PUM2: variants seen among roughly 807,000 people sequenced by gnomAD.
PUM2 encodes pumilio homolog 2.
PUM2 carries 57 observed loss-of-function variants against 124.5 expected under a neutral mutation model. That is an observed-to-expected ratio of 0.46 (90% CI 0.37 to 0.57). PUM2 has a LOEUF of 0.57. Ranked by LOEUF, PUM2 falls within the 20% of genes least tolerant of loss-of-function variation. The probability of loss-of-function intolerance (pLI) is 0.00; values close to 1 mark genes in which losing one functional copy is unlikely to be tolerated. For synonymous variants in PUM2, 460 were observed against 446.1 expected (o/e 1.03, Z -0.39); for missense variants, 1,065 against 1,290.6 (o/e 0.83, Z 2.68).
chr2:20,316,252 C>T (rs1680907055), intron 3 of PUM2, among the ~76,000 whole-genome samples: 1 of 152,072 alleles, frequency 6.6e-6, no homozygotes, highest in Non-Finnish European at 1.5e-5. Context: ...GTTGAAATCA[C>T]CAACATTTTC....
intron 13 of PUM2, among the ~76,000 whole-genome samples, chr2:20,265,796 TTAG>T (rs1667509422): frequency 6.6e-6 from 1 of 152,220 alleles, no homozygotes; most frequent in South Asian, 2.1e-4. Flanking sequence ...CACAAATTTC[TTAG>T]TAGTACCCTA....
Position 20,308,073 on chromosome 2 carries a change from T to C in PUM2, c.790-2A>G. On this transcript the variant is annotated splice_acceptor_variant, in intron 6 of 20. Coordinates refer to ENST00000361078, the MANE Select transcript of PUM2 (RefSeq NM_015317.5). LOFTEE classifies it high-confidence loss of function. ...TAGTGCATTAGTCCTCTGAAAGAGC[T>C]ATTAGGGAAAATATTTAACACAAAG... is the stretch of plus-strand genomic sequence containing the variant. 6.2e-7 allele frequency: 1 copy of C among 1,604,514 alleles called. No homozygotes were observed. Among genetic ancestry groups the C allele is most frequent in the Non-Finnish European group, 8.5e-7 (1 of 1,172,944 alleles).
intron 1 of PUM2, among the ~76,000 whole-genome samples, chr2:20,341,286 T>C (rs936628393): frequency 6.6e-6 from 1 of 152,134 alleles, no homozygotes; most frequent in Middle Eastern, 3.4e-3. Flanking sequence ...TATAAAGATA[T>C]TTACTGCAGC....
chr2:20,251,541 C>CTT lies in PUM2; in HGVS notation c.*42_*43dup. ...TTGATAATTCACACACAAAAAAATT[C>CTT]TTTTCACATGGTTAAATTATCTTCT... On this transcript the variant is annotated 3_prime_UTR_variant, in exon 21 of 21. Transcript: ENST00000361078. 1 of 1,560,542 alleles carries CTT rather than the reference C, an allele frequency of 6.4e-7. No individual in the cohort carries two copies. Among genetic ancestry groups the CTT allele is most frequent in the Non-Finnish European group, 8.7e-7 (1 of 1,150,290 alleles).
At chr2:20,312,538 T>C (rs1558619868) in intron 3 of PUM2, 115 bp from the exon 4 acceptor site, 1 of 974,394 alleles carries the variant, frequency 1.0e-6, no homozygotes, top group African/African-American at 1.7e-5. Flanking sequence ...TTGAATGTTA[T>C]TACTATAATC....
intron 1 of PUM2, among the ~76,000 whole-genome samples, chr2:20,348,159 T>G (rs1408676823): frequency 6.7e-6 from 1 of 150,256 alleles, no homozygotes; most frequent in Non-Finnish European, 1.5e-5. Flanking sequence ...CTCACCTATA[T>G]TAAAAATTAA....
intron 1 of PUM2, among the ~76,000 whole-genome samples, chr2:20,340,504 A>G (rs1327916081): frequency 1.3e-5 from 2 of 152,232 alleles, no homozygotes; most frequent in Non-Finnish European, 2.9e-5. Flanking sequence ...GAGCACCCCA[A>G]TTTTGAGATC....
At chr2:20,307,103 C>T (rs1036083596) in intron 7 of PUM2, among the ~76,000 whole-genome samples, 31 of 152,154 alleles carry the variant, frequency 2.0e-4, no homozygotes, top group Middle Eastern at 3.4e-3. Context: ...GTGATCCCAG[C>T]TACTCAGAAG....
chr2:20,265,144 C>G (rs562726173), intron 13 of PUM2, among the ~76,000 whole-genome samples: 1 of 151,506 alleles, frequency 6.6e-6, no homozygotes, highest in African/African-American at 2.4e-5. Flanking sequence ...CCCAGCTACT[C>G]AGGAGGCTGA....
intron 7 of PUM2, among the ~76,000 whole-genome samples, chr2:20,306,632 G>A (rs1439361867): frequency 4.1e-5 from 6 of 145,066 alleles, no homozygotes; most frequent in African/African-American, 7.7e-5. Context: ...TTTCTTGAGC[G>A]GAGTCTCTCT....
At chr2:20,253,679 C>T in intron 20 of PUM2, 143 bp downstream of exon 20, 1 of 761,540 alleles carries the variant, frequency 1.3e-6, no homozygotes, top group Non-Finnish European at 2.0e-6. Flanking sequence ...GAAACCATAC[C>T]AATATATCTG....
chr2:20,347,431 CAAAG>C (rs1688460971), intron 1 of PUM2, among the ~76,000 whole-genome samples: 1 of 152,058 alleles, frequency 6.6e-6, no homozygotes, highest in South Asian at 2.1e-4. Flanking sequence ...ACATGAAACT[CAAAG>C]AAAAAGCATT....
At chr2:20,339,923 G>A (rs1338707078) in intron 1 of PUM2, among the ~76,000 whole-genome samples, 1 of 151,022 alleles carries the variant, frequency 6.6e-6, no homozygotes, top group Non-Finnish European at 1.5e-5. Context: ...AAAAACACAG[G>A]ATAAGTATTT....
chr2:20,260,546 C>T, intron 14 of PUM2, 80 bp from the exon 15 acceptor site: 1 of 1,232,882 alleles, frequency 8.1e-7, no homozygotes, highest in Non-Finnish European at 1.1e-6. Context: ...CACATATATG[C>T]ACTGCAAGTT....
chr2:20,326,518 T>TACTA, intron 2 of PUM2: 1 of 766,184 alleles, frequency 1.3e-6, no homozygotes, highest in Non-Finnish European at 1.9e-6. Flanking sequence ...TATCAAAGTC[T>TACTA]ACGTTAGTAG....
intron 13 of PUM2, among the ~76,000 whole-genome samples, chr2:20,275,258 C>T (rs1311215203): frequency 6.6e-6 from 1 of 151,962 alleles, no homozygotes; most frequent in African/African-American, 2.4e-5. Context: ...ATGTCTTACA[C>T]TGCAATGAAC....
intron 10 of PUM2, among the ~76,000 whole-genome samples, chr2:20,289,334 G>A (rs147629947): frequency 6.6e-6 from 1 of 151,982 alleles, no homozygotes; most frequent in Non-Finnish European, 1.5e-5. Context: ...TCCTCTCTCC[G>A]TTCTACATAT....
intron 15 of PUM2, among the ~76,000 whole-genome samples, chr2:20,260,101 G>C (rs1665812085): frequency 6.6e-6 from 1 of 152,116 alleles, no homozygotes; most frequent in Admixed American, 6.5e-5. Flanking sequence ...AAATGTCTGT[G>C]CAAGTCCTTT....
chr2:20,345,511 G>T (rs1400754224), intron 1 of PUM2, among the ~76,000 whole-genome samples: 1 of 152,108 alleles, frequency 6.6e-6, no homozygotes, highest in Non-Finnish European at 1.5e-5. Flanking sequence ...TTAAAAACAA[G>T]GACCACATAT....
Sources: allele counts gnomAD v4.1 joint callset (sites outside exome capture counted in the v4.1 genomes callset), GRCh38; gene constraint gnomAD v4.1.1; transcripts MANE v1.5; gene names NCBI Gene and HGNC (gene_info 2026-07-23, HGNC 2026-07-21).